Variants in TMEM63B observed in about 807,000 individuals in gnomAD.
TMEM63B encodes transmembrane protein 63B.
A neutral mutation model predicts 102.6 loss-of-function variants in TMEM63B; 23 were observed. That is an observed-to-expected ratio of 0.22 (90% CI 0.16 to 0.32). The LOEUF is 0.32. TMEM63B is among the 10% of genes least tolerant of loss of function. TMEM63B has a pLI of 1.00. For synonymous variants in TMEM63B, 444 were observed against 437.0 expected (o/e 1.02, Z -0.20); for missense variants, 628 against 1,095.9 (o/e 0.57, Z 6.03).
chr6:44,133,580 G>T (rs912334283), intron 1 of TMEM63B, among the ~76,000 whole-genome samples: 1 of 152,164 alleles, frequency 6.6e-6, no homozygotes, highest in African/African-American at 2.4e-5. Flanking sequence ...CCTCCCCAGG[G>T]CCCCACTCTG....
chr6:44,149,171 AAG>A (rs980648771), intron 15 of TMEM63B: 8 of 608,212 alleles, frequency 1.3e-5, no homozygotes, highest in Non-Finnish European at 2.3e-5. Flanking sequence ...ACACCCAGGG[AAG>A]AGAGAGAGCC....
intron 1 of TMEM63B, among the ~76,000 whole-genome samples, chr6:44,134,168 A>G (rs1393667621): frequency 1.3e-5 from 2 of 152,146 alleles, no homozygotes; most frequent in East Asian, 1.9e-4. Context: ...CCTCAGGCCT[A>G]AGACCCCTCC....
intron 5 of TMEM63B, among the ~76,000 whole-genome samples, chr6:44,137,941 C>T (rs1199261548): frequency 6.6e-6 from 1 of 152,138 alleles, no homozygotes; most frequent in African/African-American, 2.4e-5. Context: ...CTCAGTTGAT[C>T]CGCCCGCCTT....
At chr6:44,151,109 C>T (rs777357350) in intron 18 of TMEM63B, among the ~76,000 whole-genome samples, 2 of 151,950 alleles carry the variant, frequency 1.3e-5, no homozygotes, top group Non-Finnish European at 2.9e-5. Context: ...AGGCTCTTGA[C>T]CTTATAACTC....
intron 10 of TMEM63B, among the ~76,000 whole-genome samples, chr6:44,146,449 G>GTTTTTTTTTTTTTTTTTTTTTTTTTTT (rs1241550126): frequency 6.7e-6 from 1 of 150,104 alleles, no homozygotes; most frequent in African/African-American, 2.4e-5. Context: ...GGAGATGTGG[G>GTTTTTTTTTTTTTTTTTTTTTTTTTTT]TTTTTTTGTC....
Position 44,148,147 on chromosome 6 carries a change from A to G in TMEM63B, c.988-105A>G. The G allele has an allele frequency of 6.7e-7, 1 of 1,502,636 alleles. No homozygotes were observed. 93.1% of individuals were successfully genotyped at this position (1,502,636 alleles called of 1,614,324 possible). A position where few individuals can be genotyped will look rare whatever the true frequency, so the allele number is the denominator to read the frequency against. ...CCAAAAAAAAAAAAATGCTTAGAGG[A>G]GCAGTGCCTGGCTTGTAGGAAGCCC... On this transcript the variant is annotated intron_variant, in intron 12 of 23. Transcript: ENST00000323267. This position sits in a 1 kb window ranked among gnomAD's most constrained non-coding sequence, Gnocchi z 5.1.
In TMEM63B at chr6:44,147,363, T is replaced by C. The variant is rs1219999400; in HGVS notation, c.864-14T>C. 1.2e-6 allele frequency: 2 copies of C among 1,614,092 alleles called. No homozygotes were observed. The highest frequency in any genetic ancestry group is 1.7e-6 in the Non-Finnish European group (2 of 1,179,998). ...AGCCCCAGATGTAGGTGACCAGGCA[T>C]CTGGGTCCCACAGGAAGAAGGCCGA... On this transcript the variant is annotated splice_polypyrimidine_tract_variant and intron_variant, in intron 11 of 23. Transcript: ENST00000323267.
At chr6:44,145,172 G>A (rs1259868473) in intron 10 of TMEM63B, among the ~76,000 whole-genome samples, 3 of 151,746 alleles carry the variant, frequency 2.0e-5, no homozygotes, top group Non-Finnish European at 2.9e-5. Flanking sequence ...CTACTGGAGA[G>A]GCTGAGACAG....
rs925880930 is a variant in TMEM63B, at chr6:44,152,170, C to A, written c.1836+162C>A. ...GGCCATCCCCTTCCCATATCTGGGG[C>A]CTTCGTATTCTGCCATGGGTGGACA... On this transcript the variant is annotated intron_variant, in intron 19 of 23. Coordinates refer to ENST00000323267, the MANE Select transcript of TMEM63B (RefSeq NM_018426.3). This position sits in a 1 kb window ranked among gnomAD's most constrained non-coding sequence, Gnocchi z 6.4. Among the ~76,000 whole-genome samples, 5 of 152,154 alleles carry A rather than the reference C, an allele frequency of 3.3e-5. No individual in the cohort carries two copies. Among genetic ancestry groups the A allele is most frequent in the African/African-American group, 9.7e-5 (4 of 41,414 alleles).
At chr6:44,128,590 T>C (rs1026152998) in intron 1 of TMEM63B, among the ~76,000 whole-genome samples, 2 of 152,218 alleles carry the variant, frequency 1.3e-5, no homozygotes, top group Non-Finnish European at 2.9e-5. Context: ...CCTGCCTGGG[T>C]CCCCTGGGCA....
chr6:44,134,844 A>G, intron 2 of TMEM63B, 101 bp downstream of exon 2: 1 of 1,526,262 alleles, frequency 6.6e-7, no homozygotes, highest in Non-Finnish European at 8.9e-7. Flanking sequence ...CCGGTTTCCC[A>G]GGCTTAAGCA....
In TMEM63B at chr6:44,135,349, C is replaced by A. The variant is rs1762723370; in HGVS notation, c.261C>A (p.Asp87Glu). 1 of 1,613,002 alleles carries A rather than the reference C, an allele frequency of 6.2e-7. No individual in the cohort carries two copies. The change falls in exon 4 of 24, where the codon GAC becomes GAA. Residue 87 changes from aspartate to glutamate, a missense_variant. Coordinates refer to ENST00000323267, the MANE Select transcript of TMEM63B (RefSeq NM_018426.3). The part of the protein sequence containing the change: ...DADRLRRQER[D>E]RVEQEYVASA... ...CCAGGCTTCGGCGGCAGGAGAGGGACCGAGTGGAACAGGAATAGTATGTGG... is the reference window on the plus strand; with the variant it reads ...CCAGGCTTCGGCGGCAGGAGAGGGAACGAGTGGAACAGGAATAGTATGTGG...
chr6:44,146,745 C>A, intron 10 of TMEM63B, 102 bp from the exon 11 acceptor site: 3 of 1,212,046 alleles, frequency 2.5e-6, no homozygotes, highest in Non-Finnish European at 3.7e-6. Flanking sequence ...GCCACCACGT[C>A]CAGCCAGAGA....
rs1440430681 is a variant in TMEM63B at position 44,141,082 on chromosome 6, A to G, written c.766A>G (p.Ile256Val). The G allele has an allele frequency of 6.2e-6, 10 of 1,613,882 alleles. No individual in the cohort carries two copies. The highest frequency in any genetic ancestry group is 3.3e-4 in the Middle Eastern group (2 of 6,084). The change falls in exon 10 of 24, where the codon ATC becomes GTC. Residue 256 changes from isoleucine (I) to valine (V), a missense_variant. Ile to Val is a conservative substitution (Grantham distance 29). Around this residue, in one of 6 missense-constraint regions of TMEM63B, gnomAD observed 336 missense variants for 580.3 expected, o/e 0.58. Coordinates refer to ENST00000323267, the MANE Select transcript of TMEM63B (RefSeq NM_018426.3). Reference sequence around the variant, plus strand: ...CTCCAAATATGCAGAGTCAGAAAAGATCAAGAAGCATTTTGAGTGAGTAAG... The same window carrying G: ...CTCCAAATATGCAGAGTCAGAAAAGGTCAAGAAGCATTTTGAGTGAGTAAG... ...GISKYAESEK[I>V]KKHFEEAYPN...
intron 8 of TMEM63B, 44 bp downstream of exon 8, chr6:44,139,803 A>C: frequency 6.2e-7 from 1 of 1,612,442 alleles, no homozygotes; most frequent in Non-Finnish European, 8.5e-7. Context: ...CTACGACCAG[A>C]GTCTGGGCCA....
At position 44,141,072 on chromosome 6, in the gene TMEM63B, G is replaced by A. The variant is rs2128239277; in HGVS notation, c.756G>A (p.Glu252=). 6.2e-7 allele frequency: 1 copy of A among 1,614,066 alleles called. No homozygotes were observed. The highest frequency in any genetic ancestry group is 8.5e-7 in the Non-Finnish European group (1 of 1,180,002). The stretch of plus-strand genomic sequence containing the variant: ...TCAATGGAATCTCCAAATATGCAGA[G>A]TCAGAAAAGATCAAGAAGCATTTTG... ...LFINGISKYA[E]SEKIKKHFEE... Residue 252 remains glutamate, a synonymous_variant, in exon 10 of 24, where the codon GAG becomes GAA. Coordinates refer to ENST00000323267, the MANE Select transcript of TMEM63B (RefSeq NM_018426.3).
rs1444104814 is a variant in TMEM63B, at chr6:44,148,259, C to T, written c.995C>T (p.Ala332Val). ...CVVRGCEQVE[A>V]IEYYTKLEQK... ...CCTAACCCTCCCACAAAGGTGGAGGCCATTGAGTACTACACAAAGCTGGAG... is the reference window on the plus strand; with the variant it reads ...CCTAACCCTCCCACAAAGGTGGAGGTCATTGAGTACTACACAAAGCTGGAG... The change falls in exon 13 of 24, where the codon GCC becomes GTC. Residue 332 changes from alanine (A) to valine (V), a missense_variant. By Grantham distance (64) the Ala-to-Val change is moderately conservative. This residue lies in a region of TMEM63B where 336 missense variants were observed against 580.3 expected (regional missense o/e 0.58). Coordinates refer to ENST00000323267, the MANE Select transcript of TMEM63B (RefSeq NM_018426.3). The surrounding 1 kb of genome is among the most constrained non-coding windows in gnomAD (Gnocchi z 5.1). 3 of 1,614,196 alleles carry T rather than the reference C, an allele frequency of 1.9e-6. No homozygotes were observed. Among genetic ancestry groups the T allele is most frequent in the Non-Finnish European group, 2.5e-6 (3 of 1,180,010 alleles).
At chr6:44,145,153 T>G (rs1765082466) in intron 10 of TMEM63B, among the ~76,000 whole-genome samples, 1 of 150,714 alleles carries the variant, frequency 6.6e-6, no homozygotes, top group African/African-American at 2.4e-5. Context: ...CATGTGCCTA[T>G]AATCCCAGCT....
At chr6:44,138,191 C>T (rs1380685896) in intron 5 of TMEM63B, among the ~76,000 whole-genome samples, 2 of 151,704 alleles carry the variant, frequency 1.3e-5, no homozygotes, top group Non-Finnish European at 2.9e-5. Flanking sequence ...ACCCATCCCA[C>T]CCTGGCCCAC....
Sources: gnomAD v4.1 joint callset for allele counts (sites outside exome capture counted in the v4.1 genomes callset) on GRCh38, gnomAD v4.1.1 for gene constraint, gnomAD v4.1.1 regional missense constraint, Gnocchi (gnomAD v3.1) non-coding constraint, MANE v1.5 for transcripts, NCBI Gene and HGNC (gene_info 2026-07-23, HGNC 2026-07-21) for gene names.